The following CSMD3 variants were observed in gnomAD, a reference collection of about 807,000 sequenced individuals.
CSMD3 encodes the protein CUB and sushi domain-containing protein 3.
A neutral mutation model predicts 435.2 loss-of-function variants in CSMD3; 177 were observed. The observed-to-expected ratio is 0.41, with a 90% confidence interval of 0.36 to 0.46. The LOEUF is 0.46. CSMD3 is among the 20% of genes least tolerant of loss of function. CSMD3 has a pLI of 0.34. For synonymous variants in CSMD3, 1,656 were observed against 1,520.5 expected (o/e 1.09, Z -2.07); for missense variants, 4,265 against 4,504.6 (o/e 0.95, Z 1.52).
At chr8:112,740,151 A>C (rs1436689843) in intron 13 of CSMD3, among the ~76,000 whole-genome samples, 2 of 151,806 alleles carry the variant, frequency 1.3e-5, no homozygotes, top group Non-Finnish European at 2.9e-5. Context: ...GCTTTTTGGC[A>C]TAACTTGTTC....
At chr8:113,042,742 G>A (rs2087675781) in intron 5 of CSMD3, among the ~76,000 whole-genome samples, 1 of 152,090 alleles carries the variant, frequency 6.6e-6, no homozygotes, top group East Asian at 1.9e-4. Context: ...TATGAGGGGA[G>A]CCGGGAACTT....
At chr8:112,308,421 C>A (rs1821647089) in intron 50 of CSMD3, among the ~76,000 whole-genome samples, 1 of 151,926 alleles carries the variant, frequency 6.6e-6, no homozygotes, top group South Asian at 2.1e-4. Flanking sequence ...TATTTTAGAA[C>A]TAAAAAGAGA....
chr8:113,182,755 G>C (rs1323327873), intron 3 of CSMD3, among the ~76,000 whole-genome samples: 1 of 152,006 alleles, frequency 6.6e-6, no homozygotes, highest in South Asian at 2.1e-4. Flanking sequence ...ATAAGGAGAA[G>C]CTGGGTTGCT....
At chr8:113,022,069 A>G (rs1448921978) in intron 5 of CSMD3, among the ~76,000 whole-genome samples, 1 of 152,178 alleles carries the variant, frequency 6.6e-6, no homozygotes, top group African/African-American at 2.4e-5. Flanking sequence ...ATTCTAAACA[A>G]TATGGTTTGG....
intron 15 of CSMD3, 73 bp from the exon 16 acceptor site, chr8:112,682,709 GA>G: frequency 9.8e-7 from 1 of 1,020,734 alleles, no homozygotes; most frequent in Non-Finnish European, 1.6e-6. Context: ...CTATATTTTG[GA>G]AAAGAGAGAG....
intron 1 of CSMD3, among the ~76,000 whole-genome samples, chr8:113,360,267 C>A (rs968845885): frequency 1.3e-5 from 2 of 152,080 alleles, no homozygotes; most frequent in African/African-American, 4.8e-5. Context: ...AGGTTTTATA[C>A]CCTACTTCAG....
At chr8:112,325,962 T>C (rs772786453) in intron 45 of CSMD3, among the ~76,000 whole-genome samples, 32 of 152,290 alleles carry the variant, frequency 2.1e-4, no homozygotes, top group Admixed American at 5.9e-4. Flanking sequence ...TTTAAGCTTA[T>C]CTTTCAATAA....
At chr8:112,559,637 T>C (rs1031784899) in intron 24 of CSMD3, among the ~76,000 whole-genome samples, 10 of 151,812 alleles carry the variant, frequency 6.6e-5, no homozygotes, top group African/African-American at 2.2e-4. Context: ...TAAAGGTGAA[T>C]GCTAAAAATC....
chr8:112,899,615 ATATATATATATATATATG>A (rs1440922408), intron 10 of CSMD3, among the ~76,000 whole-genome samples: 1 of 108,418 alleles, frequency 9.2e-6, no homozygotes, highest in African/African-American at 3.2e-5. Context: ...ATATATATAT[ATATATATATATATATATG>A]TATATACATA....
At chr8:113,225,641 A>G (rs1224080850) in intron 3 of CSMD3, among the ~76,000 whole-genome samples, 2 of 151,558 alleles carry the variant, frequency 1.3e-5, no homozygotes, top group Admixed American at 1.3e-4. Flanking sequence ...TGTTAATTAC[A>G]TAGACAAATT....
At chr8:112,729,905 G>A (rs1310166256) in intron 13 of CSMD3, among the ~76,000 whole-genome samples, 1 of 152,084 alleles carries the variant, frequency 6.6e-6, no homozygotes, top group Admixed American at 6.6e-5. Flanking sequence ...AGAACTCTGA[G>A]AGAATAAATT....
intron 13 of CSMD3, among the ~76,000 whole-genome samples, chr8:112,695,658 T>C (rs2076236366): frequency 6.6e-6 from 1 of 152,194 alleles, no homozygotes; most frequent in South Asian, 2.1e-4. Context: ...AGTATTCCCT[T>C]TGAAAACAGG....
chr8:112,977,502 T>C (rs2084898838), intron 6 of CSMD3, among the ~76,000 whole-genome samples: 1 of 152,016 alleles, frequency 6.6e-6, no homozygotes, highest in African/African-American at 2.4e-5. Context: ...GACAGGTGAT[T>C]AGTAGGACTA....
At chr8:112,528,624 C>T (rs1825220234) in intron 27 of CSMD3, among the ~76,000 whole-genome samples, 1 of 152,100 alleles carries the variant, frequency 6.6e-6, no homozygotes, top group Admixed American at 6.6e-5. Flanking sequence ...CAAAAAAACA[C>T]AAATTCAGGA....
chr8:113,228,145 T>C (rs1048959321), intron 3 of CSMD3, among the ~76,000 whole-genome samples: 3 of 151,754 alleles, frequency 2.0e-5, no homozygotes, highest in Admixed American at 6.6e-5. Context: ...CTATAGCTTA[T>C]GGTCTTCATG....
chr8:113,075,352 T>G (rs1383650266), intron 5 of CSMD3, among the ~76,000 whole-genome samples: 2 of 151,858 alleles, frequency 1.3e-5, no homozygotes, highest in Non-Finnish European at 3.0e-5. Flanking sequence ...GCATTAATCA[T>G]ATTAAATGTC....
intron 13 of CSMD3, among the ~76,000 whole-genome samples, chr8:112,774,489 C>A (rs922672665): frequency 7.2e-5 from 11 of 151,970 alleles, no homozygotes; most frequent in Non-Finnish European, 1.0e-4. Context: ...CAATTTTATG[C>A]CTCACGGTGA....
intron 2 of CSMD3, among the ~76,000 whole-genome samples, chr8:113,296,726 A>G (rs987658112): frequency 1.3e-5 from 2 of 152,224 alleles, no homozygotes; most frequent in Non-Finnish European, 2.9e-5. Flanking sequence ...AAGTTGGCAG[A>G]GAGAAACTGT....
chr8:112,561,678 C>T (rs1260863883), intron 24 of CSMD3, among the ~76,000 whole-genome samples: 6 of 151,520 alleles, frequency 4.0e-5, no homozygotes, highest in Non-Finnish European at 7.4e-5. Flanking sequence ...TCTGTTTCTT[C>T]CCTGAGAGCT....
Sources: allele counts gnomAD v4.1 joint callset (sites outside exome capture counted in the v4.1 genomes callset), GRCh38; gene constraint gnomAD v4.1.1; transcripts MANE v1.5; gene names NCBI Gene and HGNC (gene_info 2026-07-23, HGNC 2026-07-21).